The following TF variants were observed in gnomAD, a reference collection of about 807,000 sequenced individuals.
TF encodes the protein serotransferrin.
TF carries 55 observed loss-of-function variants against 82.4 expected under a neutral mutation model. That is an observed-to-expected ratio of 0.67 (90% CI 0.54 to 0.84). TF has a LOEUF of 0.84. Ranked by LOEUF, TF falls within the 40% of genes least tolerant of loss-of-function variation. The probability of loss-of-function intolerance (pLI) is 0.00; values close to 1 mark genes in which losing one functional copy is unlikely to be tolerated. For missense variants in TF, 737 were observed against 868.4 expected, an observed-to-expected ratio of 0.85 and a Z score of 1.90; for synonymous variants, 332 against 332.6, an observed-to-expected ratio of 1.00 and a Z score of 0.02.
At position 133,770,665 on chromosome 3, in the gene TF, G is replaced by A. The variant is rs8177333; in HGVS notation, c.1687+93G>A. On this transcript the variant is annotated intron_variant, in intron 14 of 16. Transcript: ENST00000402696. Reference sequence around the variant, plus strand: ...AGGGATGCCTTTGTGGAAGTATTATGTACACTGTCAGACTTCAAAGCTCTG... The same window carrying A: ...AGGGATGCCTTTGTGGAAGTATTATATACACTGTCAGACTTCAAAGCTCTG... 11,720 of 1,294,168 alleles carry A rather than the reference G, an allele frequency of 9.1e-3. 84 individuals are homozygous for A. The highest frequency in any genetic ancestry group is 0.011 in the Non-Finnish European group (10,131 of 888,256). 80.2% of individuals were successfully genotyped at this position (1,294,168 alleles called of 1,614,324 possible).
the TF span, chr3:133,699,647 C>A: frequency 2.0e-6 from 1 of 509,196 alleles, no homozygotes; most frequent in Non-Finnish European, 3.9e-6. Context: ...CCATCTTCCC[C>A]TCTGGCTTAG....
At chr3:133,756,759 T>C in intron 6 of TF, 72 bp from the exon 7 acceptor site, 6 of 1,578,894 alleles carry the variant, frequency 3.8e-6, no homozygotes, top group Middle Eastern at 1.9e-4. Flanking sequence ...CTATGATCAA[T>C]TGAATTTCAA....
At chr3:133,665,601 C>T in the TF span, among the ~76,000 whole-genome samples, 1 of 152,056 alleles carries the variant, frequency 6.6e-6, no homozygotes, top group African/African-American at 2.4e-5. Context: ...GAGCCAGTCT[C>T]TCCAGACCCT....
the TF span, among the ~76,000 whole-genome samples, chr3:133,669,032 G>T: frequency 6.6e-6 from 1 of 151,404 alleles, no homozygotes; most frequent in Non-Finnish European, 1.5e-5. Flanking sequence ...ACGGAGTTTT[G>T]CTCTGTTGTC....
At position 133,790,189 on chromosome 3, in the gene TF, A is replaced by T. The variant is rs1934797459; in HGVS notation, c.*11569A>T. ...AGTCTTAAAATCATTTTTGATGCTC[A>T]TTTAAGATCTGGGCCATTTCCAATT... On this transcript the variant is annotated 3_prime_UTR_variant, in exon 17 of 17. Coordinates refer to ENST00000402696, the MANE Select transcript of TF (RefSeq NM_001063.4). 6.6e-6 allele frequency: 1 copy of T among 152,194 alleles called. No individual in the cohort carries two copies. The highest frequency in any genetic ancestry group is 1.5e-5 in the Non-Finnish European group (1 of 68,016). The allele number at this position is 152,194 out of a possible 1,614,324, so 9.4% of individuals were successfully genotyped here. A position where few individuals can be genotyped will look rare whatever the true frequency, so the allele number is the denominator to read the frequency against.
chr3:133,778,590 C>A lies in TF; in HGVS notation c.2067C>A (p.Leu689=). Residue 689 remains leucine (L), a synonymous_variant, in exon 17 of 17, where the codon CTC becomes CTA. Transcript: ENST00000402696. ...GNLRKCSTSS[L]LEACTFRRP is the part of the protein sequence containing the mutation. ...CCTCTCTGCTCTGCTCCACAGCACTCCTGGAAGCCTGCACTTTCCGTAGAC... is the reference window on the plus strand; with the variant it reads ...CCTCTCTGCTCTGCTCCACAGCACTACTGGAAGCCTGCACTTTCCGTAGAC... 6.2e-7 allele frequency: 1 copy of A among 1,613,252 alleles called. No individual in the cohort carries two copies. Among genetic ancestry groups the A allele is most frequent in the South Asian group, 1.1e-5 (1 of 91,044 alleles).
chr3:133,683,610 G>A, the TF span, among the ~76,000 whole-genome samples: 21 of 152,150 alleles, frequency 1.4e-4, no homozygotes, highest in Middle Eastern at 3.4e-3. Flanking sequence ...AAAGAAGGCC[G>A]TTACATAATG....
chr3:133,761,490 T>A (rs1933993055), intron 9 of TF: 1 of 151,556 alleles, frequency 6.6e-6, no homozygotes, highest in Non-Finnish European at 1.5e-5. Flanking sequence ...TGAGACACCA[T>A]CTCAAAAAAA....
Position 133,759,280 on chromosome 3 carries a change from T to C in TF, c.1154T>C (p.Ile385Thr), listed in dbSNP as rs1933920827. ...TGGAGTGTTAACAGTGTAGGGAAAA[T>C]AGAGTGTGTATCAGCAGAGACCACC... Reference protein sequence around the residue: ...DEWSVNSVGKIECVSAETTED... With the variant: ...DEWSVNSVGKTECVSAETTED... The change falls in exon 9 of 17, where the codon ATA becomes ACA. Residue 385 changes from isoleucine (I) to threonine (T), a missense_variant. Ile to Thr is a moderately conservative substitution (Grantham distance 89). Coordinates refer to ENST00000402696, the MANE Select transcript of TF (RefSeq NM_001063.4). 1.2e-6 allele frequency: 2 copies of C among 1,612,346 alleles called. No homozygotes were observed. Among genetic ancestry groups the C allele is most frequent in the Non-Finnish European group, 1.7e-6 (2 of 1,179,610 alleles).
rs956015801 is a variant in TF, at chr3:133,784,647, G to C, written c.*6027G>C. On this transcript the variant is annotated 3_prime_UTR_variant, in exon 17 of 17. Transcript: ENST00000402696. ...CCCAACCCCTGGATCTAGGTTGCAC[G>C]CTCCTTATGAGACTCTAATAATGCC... The C allele has an allele frequency of 6.6e-6, 1 of 151,982 alleles. No homozygotes were observed. The highest frequency in any genetic ancestry group is 1.5e-5 in the Non-Finnish European group (1 of 68,006). 9.4% of individuals were successfully genotyped at this position (151,982 alleles called of 1,614,324 possible). A position where few individuals can be genotyped will look rare whatever the true frequency, so the allele number is the denominator to read the frequency against.
chr3:133,680,064 G>A, the TF span, among the ~76,000 whole-genome samples: 15 of 152,208 alleles, frequency 9.9e-5, 1 homozygote, highest in African/African-American at 3.4e-4. Flanking sequence ...CTCATGATGT[G>A]AGGATCTTTC....
the TF span, among the ~76,000 whole-genome samples, chr3:133,725,079 T>A: frequency 2.2e-4 from 34 of 152,366 alleles, no homozygotes; most frequent in Middle Eastern, 3.4e-3. Flanking sequence ...TAGTTTGAAA[T>A]CAGGTAGCGT....
At chr3:133,722,091 A>G in the TF span, among the ~76,000 whole-genome samples, 9 of 152,110 alleles carry the variant, frequency 5.9e-5, no homozygotes, top group Non-Finnish European at 1.2e-4. Flanking sequence ...CATGTTGCAC[A>G]GGCTGATCTC....
At chr3:133,715,016 C>A in the TF span, among the ~76,000 whole-genome samples, 1 of 149,194 alleles carries the variant, frequency 6.7e-6, no homozygotes, top group South Asian at 2.1e-4. Context: ...GCCATTCACT[C>A]CTGGCTGACC....
chr3:133,696,721 A>G, the TF span, among the ~76,000 whole-genome samples: 1 of 152,172 alleles, frequency 6.6e-6, no homozygotes, highest in East Asian at 1.9e-4. Flanking sequence ...ATATTTCAGA[A>G]CTTATTAGCA....
chr3:133,704,819 T>C, the TF span, among the ~76,000 whole-genome samples: 1 of 152,080 alleles, frequency 6.6e-6, no homozygotes, highest in Non-Finnish European at 1.5e-5. Flanking sequence ...TGTTCTTTAG[T>C]GGGGATCCAT....
chr3:133,695,967 C>G, the TF span, among the ~76,000 whole-genome samples: 3 of 152,192 alleles, frequency 2.0e-5, no homozygotes, highest in Non-Finnish European at 4.4e-5. Context: ...TTCTATCACA[C>G]TATCAGAACA....
At chr3:133,707,189 G>GTC in the TF span, among the ~76,000 whole-genome samples, 1 of 46,266 alleles carries the variant, frequency 2.2e-5, no homozygotes, top group Non-Finnish European at 4.7e-5. Context: ...TAACCTCAGA[G>GTC]TCACACACAC....
chr3:133,747,670 T>C (rs1443693469), intron 1 of TF, among the ~76,000 whole-genome samples: 1 of 152,132 alleles, frequency 6.6e-6, no homozygotes, highest in Non-Finnish European at 1.5e-5. Context: ...CCAAAAAGTG[T>C]GGTGAAAATG....
Sources: gnomAD v4.1 joint callset for allele counts (sites outside exome capture counted in the v4.1 genomes callset) on GRCh38, gnomAD v4.1.1 for gene constraint, MANE v1.5 for transcripts, NCBI Gene and HGNC (gene_info 2026-07-23, HGNC 2026-07-21) for gene names.